The following PCDH15 variants were observed in gnomAD, a reference collection of about 807,000 sequenced individuals.
PCDH15 encodes the protein protocadherin-15.
PCDH15 carries 129 observed loss-of-function variants against 178.5 expected under a neutral mutation model. The observed-to-expected ratio is 0.72, with a 90% CI of 0.63 to 0.84. PCDH15 has a LOEUF of 0.84. Among genes scored for constraint, PCDH15 ranks in the 40% least tolerant of loss-of-function variants. The pLI is 0.00. For synonymous variants in PCDH15, 800 were observed against 732.0 expected (o/e 1.09, Z -1.50); for missense variants, 2,230 against 2,099.9 (o/e 1.06, Z -1.21).
chr10:54,469,698 G>T (rs1369391359), intron 3 of PCDH15, among the ~76,000 whole-genome samples: 1 of 152,136 alleles, frequency 6.6e-6, no homozygotes, highest in Non-Finnish European at 1.5e-5. Context: ...GTCCCTGTGT[G>T]GCTTGCTTGG....
rs1591385428 is a variant in PCDH15, at chr10:54,243,853, T to TAACAA, written c.877-6923_877-6922insTTGTT. ...AAAAATAGTAACGAATTGGGGTGAG[T>TAACAA]AGTATGGGCCAAGCCAATTACTTTG... On this transcript the variant is annotated intron_variant, in intron 8 of 37. Coordinates refer to ENST00000644397, the MANE Select transcript of PCDH15 (RefSeq NM_001384140.1). Among the ~76,000 whole-genome samples the TAACAA allele has an allele frequency of 2.6e-5, 4 of 152,138 alleles. No individual in the cohort carries two copies. In the East Asian group the frequency reaches 7.7e-4, roughly 29 times the overall value.
Position 55,282,587 on chromosome 10 carries a change from C to T in PCDH15, c.-156+37012G>A, listed in dbSNP as rs898643932. 8.5e-5 allele frequency among the ~76,000 whole-genome samples: 13 copies of T among 152,108 alleles called. 2 individuals are homozygous for T. Among genetic ancestry groups the T allele is most frequent in the African/African-American group, 2.9e-4 (12 of 41,410 alleles). On this transcript the variant is annotated intron_variant, in intron 1 of 5. Coordinates refer to the PCDH15 transcript ENST00000458638. ...TTATTTGATGAAGACTTTAATTCAA[C>T]AGACTTTGTTGGATTAAAGTCTCCA...
intron 12 of PCDH15, among the ~76,000 whole-genome samples, chr10:54,184,651 T>C (rs112509212): frequency 1.6e-4 from 25 of 152,120 alleles, no homozygotes; most frequent in African/African-American, 6.0e-4. Flanking sequence ...ATCCTTTATG[T>C]CTACCTACTA....
rs1359242992 is a variant in PCDH15, at chr10:53,806,502, T to TTTC, written c.*74_*76dup. ...GCATGATATAAATTCCATACATTGT[T>TTTC]TTCTCAGTGACAATAAAAAGCACAG... On this transcript the variant is annotated 3_prime_UTR_variant, in exon 38 of 38. Coordinates refer to ENST00000644397, the MANE Select transcript of PCDH15 (RefSeq NM_001384140.1). 1 of 1,226,956 alleles carries TTTC rather than the reference T, an allele frequency of 8.2e-7. No individual in the cohort carries two copies. The highest frequency in any genetic ancestry group is 1.5e-5 in the African/African-American group (1 of 65,392). The allele number at this position is 1,226,956 out of a possible 1,614,324, so 76.0% of individuals were successfully genotyped here. A position where few individuals can be genotyped will look rare whatever the true frequency, so the allele number is the denominator to read the frequency against.
At chr10:54,450,983 T>G (rs1377216662) in intron 3 of PCDH15, among the ~76,000 whole-genome samples, 1 of 151,860 alleles carries the variant, frequency 6.6e-6, no homozygotes, top group Non-Finnish European at 1.5e-5. Flanking sequence ...CAAAGTTAAA[T>G]TATTAAAAAC....
At chr10:54,180,783 T>G (rs1368497996) in intron 13 of PCDH15, among the ~76,000 whole-genome samples, 1 of 152,178 alleles carries the variant, frequency 6.6e-6, no homozygotes, top group Non-Finnish European at 1.5e-5. Flanking sequence ...AAATACTAAT[T>G]ATAAAGCTTA....
chr10:54,278,884 T>C (rs967177292), intron 8 of PCDH15, among the ~76,000 whole-genome samples: 1 of 151,612 alleles, frequency 6.6e-6, no homozygotes, highest in African/African-American at 2.4e-5. Context: ...GCACTTCAAT[T>C]CTTCTTAGTT....
At chr10:55,223,795 A>G (rs182043778) in intron 1 of PCDH15, among the ~76,000 whole-genome samples, 1 of 152,310 alleles carries the variant, frequency 6.6e-6, no homozygotes, top group East Asian at 1.9e-4. Flanking sequence ...AAATAAAGGA[A>G]GATTTTGCCA....
intron 2 of PCDH15, among the ~76,000 whole-genome samples, chr10:54,998,838 T>C (rs1306057310): frequency 6.6e-6 from 1 of 152,178 alleles, no homozygotes; most frequent in Non-Finnish European, 1.5e-5. Flanking sequence ...TGCATTGTGG[T>C]ATTTTGTAGA....
At chr10:54,655,304 CAGAGAG>C (rs1213808096) in intron 2 of PCDH15, among the ~76,000 whole-genome samples, 1 of 80,694 alleles carries the variant, frequency 1.2e-5, no homozygotes, top group Admixed American at 1.3e-4. Context: ...GAGAGAGAGA[CAGAGAG>C]AGAGACAGAG....
chr10:54,587,265 T>A (rs2091542161), intron 2 of PCDH15, among the ~76,000 whole-genome samples: 1 of 152,166 alleles, frequency 6.6e-6, no homozygotes, highest in African/African-American at 2.4e-5. Context: ...TAAACACAAG[T>A]GCCATTTCTT....
At chr10:54,466,217 T>G (rs907771703) in intron 3 of PCDH15, among the ~76,000 whole-genome samples, 3 of 151,890 alleles carry the variant, frequency 2.0e-5, no homozygotes, top group Admixed American at 6.6e-5. Context: ...TTTTGTTGCT[T>G]GTGTTTTTTT....
intron 13 of PCDH15, among the ~76,000 whole-genome samples, chr10:54,175,063 T>A (rs1419822092): frequency 6.6e-6 from 1 of 152,222 alleles, no homozygotes; most frequent in Non-Finnish European, 1.5e-5. Flanking sequence ...TGTACTAATG[T>A]AAAAATAGGT....
intron 15 of PCDH15, among the ~76,000 whole-genome samples, chr10:54,121,296 G>A (rs2095215806): frequency 6.6e-6 from 1 of 152,152 alleles, no homozygotes. Flanking sequence ...CAAAATCAGT[G>A]TTAAGAAGAA....
intron 25 of PCDH15, among the ~76,000 whole-genome samples, chr10:53,924,795 T>C (rs2084346268): frequency 6.6e-6 from 1 of 152,212 alleles, no homozygotes; most frequent in South Asian, 2.1e-4. Context: ...CCTTTATGTC[T>C]AGCTAAGGGA....
chr10:55,022,816 T>C (rs1047382097), intron 2 of PCDH15, among the ~76,000 whole-genome samples: 5 of 151,434 alleles, frequency 3.3e-5, no homozygotes, highest in African/African-American at 1.2e-4. Flanking sequence ...GTTCATGCCA[T>C]TCTCCTGCCT....
chr10:54,033,197 T>A (rs1486357718), intron 18 of PCDH15, among the ~76,000 whole-genome samples: 2 of 152,010 alleles, frequency 1.3e-5, no homozygotes, highest in Non-Finnish European at 2.9e-5. Context: ...TTTGTATAAT[T>A]AAATATATTA....
chr10:55,088,619 CTCATGG>C, intron 2 of PCDH15, among the ~76,000 whole-genome samples: 1 of 140,190 alleles, frequency 7.1e-6, no homozygotes, highest in Admixed American at 8.7e-5. Flanking sequence ...TGGTGAGATA[CTCATGG>C]AACAGATTGC....
At chr10:55,239,106 T>C (rs1841476767) in intron 1 of PCDH15, among the ~76,000 whole-genome samples, 2 of 152,320 alleles carry the variant, frequency 1.3e-5, no homozygotes, top group South Asian at 4.1e-4. Flanking sequence ...AGTAAGAATA[T>C]GTGAAATTTG....
Sources: allele counts gnomAD v4.1 joint callset (sites outside exome capture counted in the v4.1 genomes callset), GRCh38; gene constraint gnomAD v4.1.1; transcripts MANE v1.5; gene names NCBI Gene and HGNC (gene_info 2026-07-23, HGNC 2026-07-21).